Variants in SPMIP2 observed in about 807,000 individuals in gnomAD.
The protein encoded by SPMIP2 is sperm microtubule inner protein 2.
At chr4:158,973,060 A>G in the SPMIP2 span, 2 of 1,439,522 alleles carry the variant, frequency 1.4e-6, no homozygotes, top group Admixed American at 1.9e-5. Flanking sequence ...TATGAAAAGC[A>G]TAAATTTAAG....
chr4:159,006,456 C>T, the SPMIP2 span, among the ~76,000 whole-genome samples: 1 of 152,184 alleles, frequency 6.6e-6, no homozygotes, highest in Non-Finnish European at 1.5e-5. Context: ...CTGAAACCTG[C>T]CCCCCAGCTT....
the SPMIP2 span, among the ~76,000 whole-genome samples, chr4:159,046,973 G>C: frequency 6.6e-6 from 1 of 152,176 alleles, no homozygotes; most frequent in Non-Finnish European, 1.5e-5. Flanking sequence ...AAGAGGTGTG[G>C]TAAGGCGGGG....
chr4:158,993,761 C>T, the SPMIP2 span, among the ~76,000 whole-genome samples: 1 of 152,202 alleles, frequency 6.6e-6, no homozygotes, highest in Non-Finnish European at 1.5e-5. Context: ...CTTAACTAGT[C>T]TTGGCTCTAG....
At chr4:159,020,120 T>C in the SPMIP2 span, among the ~76,000 whole-genome samples, 1 of 141,832 alleles carries the variant, frequency 7.1e-6, no homozygotes, top group Non-Finnish European at 1.6e-5. Flanking sequence ...ACTCCATCTT[T>C]AAAAAAAAAA....
chr4:158,903,152 G>A, the SPMIP2 span, among the ~76,000 whole-genome samples: 1 of 152,220 alleles, frequency 6.6e-6, no homozygotes, highest in Admixed American at 6.5e-5. Flanking sequence ...TGTGGGTCAT[G>A]AAGACCATGG....
At chr4:158,899,275 T>C in the SPMIP2 span, among the ~76,000 whole-genome samples, 21 of 152,242 alleles carry the variant, frequency 1.4e-4, no homozygotes, top group Middle Eastern at 6.3e-3. Context: ...GATTTTTGCA[T>C]TGATGTTCAT....
the SPMIP2 span, chr4:158,915,408 G>A: frequency 2.8e-6 from 4 of 1,443,342 alleles, no homozygotes; most frequent in East Asian, 4.7e-5. Flanking sequence ...CTAGAAACAA[G>A]GCCACCAGTT....
chr4:159,062,837 C>CACCA, the SPMIP2 span, among the ~76,000 whole-genome samples: 3 of 151,642 alleles, frequency 2.0e-5, no homozygotes, highest in Non-Finnish European at 4.4e-5. Flanking sequence ...TACAGGTGTG[C>CACCA]ACCACCAGGC....
chr4:159,037,817 C>CAT, the SPMIP2 span, among the ~76,000 whole-genome samples: 4 of 143,362 alleles, frequency 2.8e-5, no homozygotes, highest in African/African-American at 1.0e-4. Context: ...CACACACACA[C>CAT]ACACACACAC....
the SPMIP2 span, among the ~76,000 whole-genome samples, chr4:158,976,890 G>A: frequency 6.6e-6 from 1 of 151,958 alleles, no homozygotes; most frequent in African/African-American, 2.4e-5. Context: ...TCAATCTCTT[G>A]ACCTTGTGAT....
chr4:158,971,773 G>C, the SPMIP2 span, among the ~76,000 whole-genome samples: 1 of 152,128 alleles, frequency 6.6e-6, no homozygotes, highest in African/African-American at 2.4e-5. Context: ...CAATGCAAAG[G>C]CCTGCCTAGA....
the SPMIP2 span, chr4:159,034,945 T>C: frequency 2.1e-6 from 2 of 930,702 alleles, no homozygotes; most frequent in East Asian, 2.6e-5. Flanking sequence ...GATCATTGCA[T>C]TGTTATATCC....
At chr4:159,028,217 T>A in the SPMIP2 span, among the ~76,000 whole-genome samples, 1 of 152,244 alleles carries the variant, frequency 6.6e-6, no homozygotes, top group Non-Finnish European at 1.5e-5. Flanking sequence ...AGTGCCTTTT[T>A]AATTTTATGT....
chr4:158,956,106 C>G, the SPMIP2 span, among the ~76,000 whole-genome samples: 48 of 152,356 alleles, frequency 3.2e-4, no homozygotes, highest in Non-Finnish European at 5.7e-4. Flanking sequence ...CTATAGCCTT[C>G]TATAGGAATT....
chr4:158,951,854 A>C, the SPMIP2 span, among the ~76,000 whole-genome samples: 1 of 152,236 alleles, frequency 6.6e-6, no homozygotes, highest in East Asian at 1.9e-4. Context: ...GTGATTTCAG[A>C]ACCTTGAGTA....
At chr4:159,026,468 T>C in the SPMIP2 span, 2 of 771,794 alleles carry the variant, frequency 2.6e-6, no homozygotes, top group South Asian at 2.7e-5. Context: ...GGGAAATTCA[T>C]GGTAGACTGT....
chr4:158,987,441 A>G, the SPMIP2 span, among the ~76,000 whole-genome samples: 2 of 152,194 alleles, frequency 1.3e-5, no homozygotes, highest in Non-Finnish European at 1.5e-5. Context: ...ACCATGGAAT[A>G]CTATGCAGCC....
At chr4:158,953,849 C>T in the SPMIP2 span, among the ~76,000 whole-genome samples, 1 of 152,204 alleles carries the variant, frequency 6.6e-6, no homozygotes, top group African/African-American at 2.4e-5. Context: ...TTTGGACTTG[C>T]ATGGGCCCTG....
chr4:158,893,587 A>T, the SPMIP2 span: 1 of 872,864 alleles, frequency 1.1e-6, no homozygotes, highest in South Asian at 1.8e-5. Flanking sequence ...CTTGCAAGAC[A>T]TCTGTCCTGG....
Sources: gnomAD v4.1 joint callset for allele counts (sites outside exome capture counted in the v4.1 genomes callset) on GRCh38, gnomAD v4.1.1 for gene constraint, MANE v1.5 for transcripts, NCBI Gene and HGNC (gene_info 2026-07-23, HGNC 2026-07-21) for gene names.